The following SGCD variants were observed in gnomAD, a reference collection of about 807,000 sequenced individuals.
The protein encoded by SGCD is delta-sarcoglycan.
A neutral mutation model predicts 36.6 loss-of-function variants in SGCD; 18 were observed. The ratio of observed to expected loss-of-function variants is 0.49; its 90% CI spans 0.34 to 0.73. SGCD has a LOEUF of 0.73. Ranked by LOEUF, SGCD falls within the 30% of genes least tolerant of loss-of-function variation. The probability of loss-of-function intolerance (pLI) is 0.01; values close to 1 mark genes in which losing one functional copy is unlikely to be tolerated. For synonymous variants in SGCD, 133 were observed against 130.6 expected (o/e 1.02, Z -0.12); for missense variants, 387 against 346.7 (o/e 1.12, Z -0.92).
chr5:155,993,998 G>C (rs1374962766), intron 1 of SGCD, among the ~76,000 whole-genome samples: 1 of 152,168 alleles, frequency 6.6e-6, no homozygotes, highest in Non-Finnish European at 1.5e-5. Flanking sequence ...AGAGCACGTG[G>C]AATGAGAGAT....
chr5:156,642,389 T>A (rs948863623), intron 6 of SGCD, among the ~76,000 whole-genome samples: 3 of 151,522 alleles, frequency 2.0e-5, no homozygotes, highest in Non-Finnish European at 4.4e-5. Context: ...CTGCAATCCC[T>A]GAGCCAAACT....
chr5:156,213,094 A>G (rs1298560476), intron 3 of SGCD, among the ~76,000 whole-genome samples: 3 of 152,144 alleles, frequency 2.0e-5, no homozygotes, highest in Admixed American at 2.0e-4. Flanking sequence ...TCAAGGAACT[A>G]GAAAAATAAG....
intron 4 of SGCD, among the ~76,000 whole-genome samples, chr5:156,522,685 A>C (rs919075442): frequency 6.6e-6 from 1 of 151,902 alleles, no homozygotes; most frequent in African/African-American, 2.4e-5. Context: ...ACCATGGCAC[A>C]CATTTACCTA....
chr5:155,798,268 C>T, the SGCD span, among the ~76,000 whole-genome samples: 1 of 152,194 alleles, frequency 6.6e-6, no homozygotes, highest in Non-Finnish European at 1.5e-5. Flanking sequence ...CTAATGTTCA[C>T]CCAGTTCTAC....
intron 1 of SGCD, among the ~76,000 whole-genome samples, chr5:155,876,082 G>A (rs1289852764): frequency 1.3e-5 from 2 of 149,996 alleles, no homozygotes; most frequent in Admixed American, 1.3e-4. Flanking sequence ...AAGTTTTAGG[G>A]TACATGTGCA....
At chr5:155,739,813 C>G in the SGCD span, among the ~76,000 whole-genome samples, 1 of 136,650 alleles carries the variant, frequency 7.3e-6, no homozygotes. Flanking sequence ...AGTTTTAAAA[C>G]TTGCTGGGAA....
chr5:156,138,584 A>G (rs1328576023), intron 3 of SGCD, among the ~76,000 whole-genome samples: 1 of 152,194 alleles, frequency 6.6e-6, no homozygotes, highest in Non-Finnish European at 1.5e-5. Flanking sequence ...ATAATTGCTT[A>G]TTCATTTTCC....
rs577133190 is a variant in SGCD, at chr5:156,164,353, T to C, written c.-44+40334T>C. Among the ~76,000 whole-genome samples, 6 of 152,286 alleles carry C rather than the reference T, an allele frequency of 3.9e-5. 1 individual carries two copies. Among genetic ancestry groups the C allele is most frequent in the African/African-American group, 1.4e-4 (6 of 41,526 alleles). On this transcript the variant is annotated intron_variant, in intron 3 of 9. Coordinates refer to the SGCD transcript ENST00000517913. ...GGACTAGTTTCTTATTCTCCTTTCATTGGATTTTTAATCCACAGAATGTGA... is the reference window on the plus strand; with the variant it reads ...GGACTAGTTTCTTATTCTCCTTTCACTGGATTTTTAATCCACAGAATGTGA...
At chr5:156,151,723 A>G in intron 3 of SGCD, among the ~76,000 whole-genome samples, 1 of 151,656 alleles carries the variant, frequency 6.6e-6, no homozygotes. Context: ...GCCAATGTAG[A>G]ATACACTAAT....
chr5:156,208,450 A>G (rs1440809941), intron 3 of SGCD, among the ~76,000 whole-genome samples: 1 of 152,234 alleles, frequency 6.6e-6, no homozygotes, highest in Non-Finnish European at 1.5e-5. Context: ...TCTGGTTTGT[A>G]AGAATAATTA....
At chr5:156,139,198 T>A (rs73811411) in intron 3 of SGCD, among the ~76,000 whole-genome samples, 1,671 of 152,334 alleles carry the variant, frequency 0.011, 30 homozygotes, top group African/African-American at 0.039. Context: ...CCAGTTTATT[T>A]ACATTTTTAT....
At chr5:156,152,797 T>C (rs941853356) in intron 3 of SGCD, among the ~76,000 whole-genome samples, 1 of 151,702 alleles carries the variant, frequency 6.6e-6, no homozygotes, top group Non-Finnish European at 1.5e-5. Flanking sequence ...CTTGTGAATA[T>C]ATAACTTCTT....
chr5:156,060,275 G>A (rs1274016008), intron 1 of SGCD, among the ~76,000 whole-genome samples: 1 of 146,160 alleles, frequency 6.8e-6, no homozygotes, highest in Admixed American at 6.9e-5. Flanking sequence ...ACGCTAAGAA[G>A]TGTGGCTTTG....
chr5:156,453,146 A>C (rs979760768), intron 3 of SGCD, among the ~76,000 whole-genome samples: 8 of 152,198 alleles, frequency 5.3e-5, no homozygotes, highest in African/African-American at 1.9e-4. Context: ...TGTATGAAGG[A>C]AGGCTGAAGA....
intron 3 of SGCD, among the ~76,000 whole-genome samples, chr5:156,391,736 A>G (rs1771582099): frequency 6.6e-6 from 1 of 152,244 alleles, no homozygotes; most frequent in Non-Finnish European, 1.5e-5. Context: ...AATCTGCTGC[A>G]GATACTAAGG....
intron 3 of SGCD, among the ~76,000 whole-genome samples, chr5:156,446,509 C>T (rs1753760785): frequency 6.6e-6 from 1 of 152,092 alleles, no homozygotes; most frequent in African/African-American, 2.4e-5. Context: ...AAAGACAAAT[C>T]TTAATCAAAA....
intron 1 of SGCD, among the ~76,000 whole-genome samples, chr5:155,891,017 A>C (rs898822262): frequency 1.3e-5 from 2 of 152,232 alleles, no homozygotes; most frequent in African/African-American, 2.4e-5. Flanking sequence ...TCCCTAAAGC[A>C]TAAAAAGAGG....
chr5:156,285,312 G>C (rs1766564239), intron 3 of SGCD, among the ~76,000 whole-genome samples: 2 of 151,958 alleles, frequency 1.3e-5, no homozygotes, highest in South Asian at 4.1e-4. Flanking sequence ...TCACAGAATT[G>C]GAAAAAACTA....
intron 3 of SGCD, among the ~76,000 whole-genome samples, chr5:156,190,465 G>A (rs2127632155): frequency 6.6e-6 from 1 of 152,216 alleles, no homozygotes; most frequent in East Asian, 1.9e-4. Context: ...AGAACAAAGA[G>A]GGGTTTTTAA....
Sources: gnomAD v4.1 joint callset for allele counts (sites outside exome capture counted in the v4.1 genomes callset) on GRCh38, gnomAD v4.1.1 for gene constraint, MANE v1.5 for transcripts, NCBI Gene and HGNC (gene_info 2026-07-23, HGNC 2026-07-21) for gene names.